REXO1: variants seen among roughly 807,000 people sequenced by gnomAD.
REXO1 encodes the protein REX1, RNA exonuclease 1 homolog.
REXO1 carries 42 observed loss-of-function variants against 102.6 expected under a neutral mutation model. The observed-to-expected ratio is 0.41, with a 90% CI of 0.32 to 0.53. The LOEUF (loss-of-function observed/expected upper bound fraction) is 0.53, where lower values mean the gene tolerates loss of function less well. Among genes scored for constraint, REXO1 ranks in the 20% least tolerant of loss-of-function variants. The pLI, the probability that REXO1 is intolerant of heterozygous loss-of-function variation, is 0.27. For missense variants in REXO1, 1,819 were observed against 1,732.5 expected (o/e 1.05, Z -0.89); for synonymous variants, 908 against 779.1 (o/e 1.17, Z -2.76).
intron 1 of REXO1, among the ~76,000 whole-genome samples, chr19:1,836,646 T>C (rs975554733): frequency 6.8e-6 from 1 of 147,238 alleles, no homozygotes; most frequent in African/African-American, 2.5e-5. Context: ...CTTGGGAGGC[T>C]GAGACAGGAG....
rs1216527702 is a variant in REXO1 at position 1,826,909 on chromosome 19, T to C, written c.1880A>G (p.Lys627Arg). 20 of 1,583,912 alleles carry C rather than the reference T, an allele frequency of 1.3e-5. No homozygotes were observed. Among genetic ancestry groups the C allele is most frequent in the Non-Finnish European group, 1.7e-5 (20 of 1,165,990 alleles). ...GGCCAGCCGGCCTCTGTCCTCCGTC[T>C]TGACGCTGGTGGACTCGTTGAAGAT... ...LRIFNESTSV[K>R]TEDRGRLARQ... is the part of the protein sequence containing the mutation. The change falls in exon 2 of 16, where the codon AAG becomes AGG. Residue 627 changes from lysine to arginine, a missense_variant. Coordinates refer to ENST00000170168, the MANE Select transcript of REXO1 (RefSeq NM_020695.4). The surrounding 1 kb of genome is among the most constrained non-coding windows in gnomAD (Gnocchi z 4.3).
Position 1,828,215 on chromosome 19 carries a change from C to G in REXO1, c.574G>C (p.Gly192Arg). ...LASLDRGQGR[G>R]GGGGGALEYV... is the part of the protein sequence containing the mutation. Reference sequence around the variant, plus strand: ...TCCAGGGCACCGCCACCCCCTCCACCTCTGCCCTGACCCCTGTCCAGGGAC... The same window carrying G: ...TCCAGGGCACCGCCACCCCCTCCACGTCTGCCCTGACCCCTGTCCAGGGAC... The change falls in exon 2 of 16, where the codon GGT becomes CGT. Residue 192 changes from glycine (G) to arginine (R), a missense_variant. Gly to Arg is a moderately radical substitution (Grantham distance 125, BLOSUM62 -2). Coordinates refer to ENST00000170168, the MANE Select transcript of REXO1 (RefSeq NM_020695.4). The G allele has an allele frequency of 6.2e-7, 1 of 1,607,436 alleles. No individual in the cohort carries two copies. Among genetic ancestry groups the G allele is most frequent in the Middle Eastern group, 1.7e-4 (1 of 6,020 alleles).
chr19:1,843,268 G>A (rs2011379525), intron 1 of REXO1, among the ~76,000 whole-genome samples: 1 of 150,852 alleles, frequency 6.6e-6, no homozygotes, highest in Non-Finnish European at 1.5e-5. Context: ...CCGCCCGGAG[G>A]GTCCCAGCTC....
In REXO1 at chr19:1,827,786, G is replaced by A. The variant is rs371943737; in HGVS notation, c.1003C>T (p.Arg335Trp). 17 of 1,588,602 alleles carry A rather than the reference G, an allele frequency of 1.1e-5. No individual in the cohort carries two copies. Among genetic ancestry groups the A allele is most frequent in the African/African-American group, 8.1e-5 (6 of 73,960 alleles). The change falls in exon 2 of 16, where the codon CGG becomes TGG. Residue 335 changes from arginine to tryptophan, a missense_variant. Coordinates refer to ENST00000170168, the MANE Select transcript of REXO1 (RefSeq NM_020695.4). ...TGCACGGCCGTCTCCTTGGTCTCCC[G>A]CAGGCCGCCCCCCTCGGCCTCCAGG... ...EGLEAEGGGL[R>W]ETKETAVQCD...
intron 1 of REXO1, among the ~76,000 whole-genome samples, chr19:1,843,248 C>T (rs1160047371): frequency 2.7e-5 from 4 of 150,032 alleles, no homozygotes; most frequent in Non-Finnish European, 4.4e-5. Flanking sequence ...CTGGGCAAAG[C>T]TTCAACCCCC....
At position 1,815,753 on chromosome 19, in the gene REXO1, A is replaced by C. The variant is rs895891161; in HGVS notation, c.*313T>G. 3.2e-5 allele frequency: 45 copies of C among 1,413,794 alleles called. No individual in the cohort carries two copies. The highest frequency in any genetic ancestry group is 3.8e-5 in the Non-Finnish European group (41 of 1,077,744). 87.6% of individuals were successfully genotyped at this position (1,413,794 alleles called of 1,614,324 possible). On this transcript the variant is annotated 3_prime_UTR_variant, in exon 16 of 16. Transcript: ENST00000170168. This position sits in a 1 kb window ranked among gnomAD's most constrained non-coding sequence, Gnocchi z 4.0. ...AGGTGCCGGCCACCACCCGGGAGGG[A>C]GGGCCTGGCAGGAGGGGCAGGAGGG... is the stretch of plus-strand genomic sequence containing the variant.
At position 1,827,857 on chromosome 19, in the gene REXO1, G is replaced by T; in HGVS notation, c.932C>A (p.Ala311Asp). The T allele has an allele frequency of 1.2e-6, 2 of 1,613,258 alleles. No homozygotes were observed. Among genetic ancestry groups the T allele is most frequent in the Non-Finnish European group, 8.5e-7 (1 of 1,179,824 alleles). ...PTTASTPKAR[A>D]DPEIKATGQP... ...CCCGGTGGCCTTGATCTCAGGGTCG[G>T]CCCTGGCTTTGGGGGTGCTGGCCGT... Residue 311 changes from alanine (A) to aspartate (D), a missense_variant, in exon 2 of 16, where the codon GCC (alanine) becomes GAC (aspartate). Transcript: ENST00000170168.
chr19:1,842,821 T>C (rs2011349973), intron 1 of REXO1, among the ~76,000 whole-genome samples: 1 of 152,224 alleles, frequency 6.6e-6, no homozygotes, highest in African/African-American at 2.4e-5. Flanking sequence ...CTGATGTTTC[T>C]AAAACAAACA....
intron 1 of REXO1, among the ~76,000 whole-genome samples, chr19:1,832,906 CTCTG>C (rs2069943703): frequency 8.3e-6 from 1 of 121,090 alleles, no homozygotes; most frequent in Non-Finnish European, 1.6e-5. Context: ...CAGAGCAAGA[CTCTG>C]TCTCAAAAAA....
At chr19:1,817,012 A>G (rs913695409) in intron 12 of REXO1, among the ~76,000 whole-genome samples, 199 bp from the exon 13 acceptor site, 3 of 152,208 alleles carry the variant, frequency 2.0e-5, no homozygotes, top group African/African-American at 7.2e-5. Flanking sequence ...ATTCAGAGGC[A>G]GAGCCGGGGC....
chr19:1,827,092 G>A lies in REXO1; in HGVS notation c.1697C>T (p.Pro566Leu), dbSNP rs544520974. 179 of 1,541,262 alleles carry A rather than the reference G, an allele frequency of 1.2e-4. No homozygotes were observed. The highest frequency in any genetic ancestry group is 2.3e-4 in the African/African-American group (17 of 73,054). Residue 566 changes from proline to leucine, a missense_variant, in exon 2 of 16, where the codon CCG becomes CTG. By Grantham distance (98) the Pro-to-Leu change is moderately conservative. Coordinates refer to ENST00000170168, the MANE Select transcript of REXO1 (RefSeq NM_020695.4). ...SSLGFPEAQG[P>L]PKRLKASPPP... ...CGGGGAGGCCTTGAGCCGCTTGGGC[G>A]GCCCCTGCGCCTCCGGGAAGCCCAG...
chr19:1,838,749 CT>C (rs1417002431), intron 1 of REXO1, among the ~76,000 whole-genome samples: 1 of 152,184 alleles, frequency 6.6e-6, no homozygotes, highest in African/African-American at 2.4e-5. Flanking sequence ...CCTTCTCCCC[CT>C]ATGCCTCTCC....
chr19:1,844,253 C>T (rs762753535), intron 1 of REXO1, among the ~76,000 whole-genome samples: 22 of 152,236 alleles, frequency 1.4e-4, no homozygotes, highest in Admixed American at 1.3e-4. Context: ...AGCCTCCCGG[C>T]GCTGGGCCTC....
chr19:1,828,568 G>A lies in REXO1; in HGVS notation c.221C>T (p.Thr74Ile), dbSNP rs777230357. ...GCGCGGCTCCTCCCCCAGGCCCAGG[G>A]TGCCATTCTCCCTCTGCGCGGGGGG... ...PKPPAQRENG[T>I]LGLGEEPRPD... Residue 74 changes from threonine (T) to isoleucine (I), a missense_variant, in exon 2 of 16, where the codon ACC (threonine) becomes ATC (isoleucine). By Grantham distance (89) the Thr-to-Ile change is moderately conservative. Coordinates refer to ENST00000170168, the MANE Select transcript of REXO1 (RefSeq NM_020695.4). 4.4e-6 allele frequency: 7 copies of A among 1,604,180 alleles called. No homozygotes were observed. The South Asian group carries it at 6.6e-5, about 15-fold the overall frequency.
At chr19:1,820,473 G>T in intron 5 of REXO1, 78 bp from the exon 6 acceptor site, 2 of 1,547,238 alleles carry the variant, frequency 1.3e-6, no homozygotes, top group East Asian at 4.6e-5. Context: ...CGATGAGGCC[G>T]TGCCCATGGC....
At chr19:1,816,201 C>G in intron 15 of REXO1, 24 bp downstream of exon 15, 1 of 1,572,436 alleles carries the variant, frequency 6.4e-7, no homozygotes, top group South Asian at 1.2e-5. Context: ...CAGGGACGGC[C>G]CCAGGGCAGG....
chr19:1,838,837 G>A (rs28605688), intron 1 of REXO1, among the ~76,000 whole-genome samples: 1 of 151,496 alleles, frequency 6.6e-6, no homozygotes, highest in Non-Finnish European at 1.5e-5. Flanking sequence ...CCAGCTCTCA[G>A]CCGGGCACGG....
chr19:1,819,242 C>A, intron 7 of REXO1, 111 bp from the exon 8 acceptor site: 3 of 727,272 alleles, frequency 4.1e-6, no homozygotes, highest in Non-Finnish European at 6.6e-6. Flanking sequence ...TCAACTCCCC[C>A]TTTCTGGGAC....
intron 8 of REXO1, 54 bp downstream of exon 8, chr19:1,818,964 G>A: frequency 6.4e-7 from 1 of 1,571,948 alleles, no homozygotes; most frequent in Non-Finnish European, 8.7e-7. Context: ...AGCAGGGGCT[G>A]GGCCGGCAGA....
Sources: gnomAD v4.1 joint callset for allele counts (sites outside exome capture counted in the v4.1 genomes callset) on GRCh38, gnomAD v4.1.1 for gene constraint, Gnocchi (gnomAD v3.1) non-coding constraint, MANE v1.5 for transcripts, NCBI Gene and HGNC (gene_info 2026-07-23, HGNC 2026-07-21) for gene names.